Variants in LDB2 observed in about 807,000 individuals in gnomAD.
LDB2 encodes the protein LIM domain binding 2, also known as LIM domain-binding protein 2.
In LDB2, 12 loss-of-function variants were observed where a neutral mutation model predicts 44.3. The observed-to-expected ratio is 0.27, with a 90% CI of 0.17 to 0.44. The LOEUF (loss-of-function observed/expected upper bound fraction) is 0.44. Among genes scored for constraint, LDB2 ranks in the 20% least tolerant of loss-of-function variants. The pLI is 1.00. For missense variants in LDB2, 344 were observed against 473.5 expected (o/e 0.73, Z 2.54); for synonymous variants, 164 against 174.8 (o/e 0.94, Z 0.49).
intron 1 of LDB2, among the ~76,000 whole-genome samples, chr4:16,853,735 C>CA (rs1362525572): frequency 2.6e-5 from 4 of 152,076 alleles, no homozygotes; most frequent in African/African-American, 9.7e-5. Flanking sequence ...AAGCATCCGT[C>CA]AGTGGATGAC....
chr4:16,557,608 G>A (rs561825193), intron 5 of LDB2, among the ~76,000 whole-genome samples: 1 of 152,382 alleles, frequency 6.6e-6, no homozygotes, highest in East Asian at 1.9e-4. Context: ...AGGGCTGCCT[G>A]CCTCTGTAGG....
chr4:16,773,176 T>C (rs1771076735), intron 1 of LDB2, among the ~76,000 whole-genome samples: 1 of 152,226 alleles, frequency 6.6e-6, no homozygotes. Context: ...TCTGTCTTTA[T>C]GACGTCTGAA....
At chr4:16,730,110 T>C (rs1161952736) in intron 2 of LDB2, among the ~76,000 whole-genome samples, 3 of 152,194 alleles carry the variant, frequency 2.0e-5, no homozygotes, top group African/African-American at 7.2e-5. Context: ...TAATAAATTC[T>C]AGATTCTGGC....
intron 5 of LDB2, among the ~76,000 whole-genome samples, chr4:16,552,995 A>G (rs1160845697): frequency 3.9e-5 from 6 of 152,096 alleles, no homozygotes; most frequent in South Asian, 4.2e-4. Flanking sequence ...CAGATTACCA[A>G]TCACTCTCAC....
chr4:16,513,320 C>G (rs1041252070), intron 5 of LDB2, among the ~76,000 whole-genome samples: 2 of 152,154 alleles, frequency 1.3e-5, no homozygotes, highest in African/African-American at 4.8e-5. Flanking sequence ...AGATGTGCAC[C>G]TCTCCCCACA....
At chr4:16,773,563 T>C (rs982817076) in intron 1 of LDB2, among the ~76,000 whole-genome samples, 12 of 152,118 alleles carry the variant, frequency 7.9e-5, no homozygotes, top group African/African-American at 2.9e-4. Flanking sequence ...ATGCCACCAG[T>C]GATCTGACAG....
Position 16,693,040 on chromosome 4 carries a change from C to G in LDB2, c.235+66118G>C, listed in dbSNP as rs185213151. 2.4e-3 allele frequency among the ~76,000 whole-genome samples: 364 copies of G among 152,268 alleles called. 6 individuals carry two copies. The highest frequency in any genetic ancestry group is 0.022 in the Admixed American group (337 of 15,294). On this transcript the variant is annotated intron_variant, in intron 2 of 7. Transcript: ENST00000304523. ...GTGGGAATTAGGTAATTATCTGGACCAGGTCCCCTGTAATTCTCATAAAAG... is the reference window on the plus strand; with the variant it reads ...GTGGGAATTAGGTAATTATCTGGACGAGGTCCCCTGTAATTCTCATAAAAG...
chr4:16,571,096 T>C (rs1165805551), intron 5 of LDB2, among the ~76,000 whole-genome samples: 1 of 152,098 alleles, frequency 6.6e-6, no homozygotes, highest in African/African-American at 2.4e-5. Flanking sequence ...TTCAAGGAGA[T>C]GAAGTTGGAG....
At chr4:16,526,219 G>A (rs1055389677) in intron 5 of LDB2, among the ~76,000 whole-genome samples, 1 of 152,190 alleles carries the variant, frequency 6.6e-6, no homozygotes, top group Admixed American at 6.5e-5. Flanking sequence ...AGAACAAAAA[G>A]GCAGAGAAAG....
chr4:16,562,976 A>G (rs909567455), intron 5 of LDB2, among the ~76,000 whole-genome samples: 27 of 152,182 alleles, frequency 1.8e-4, no homozygotes, highest in African/African-American at 6.3e-4. Context: ...ACAAAAAACC[A>G]AACACCGCAT....
At chr4:16,592,505 T>C (rs4065995) in intron 3 of LDB2, among the ~76,000 whole-genome samples, 96,179 of 110,158 alleles carry the variant, frequency 0.87, 41,946 homozygotes, top group Non-Finnish European at 0.92. Flanking sequence ...TATATATATA[T>C]ACACACACAC....
intron 2 of LDB2, among the ~76,000 whole-genome samples, chr4:16,628,623 C>T (rs930622247): frequency 4.0e-5 from 6 of 151,400 alleles, no homozygotes; most frequent in Non-Finnish European, 7.4e-5. Context: ...ATTTGAGTCA[C>T]CCGGGGTCAC....
At chr4:16,507,045 TG>T (rs1241829250) in intron 7 of LDB2, 1 of 152,180 alleles carries the variant, frequency 6.6e-6, no homozygotes, top group Non-Finnish European at 1.5e-5. Context: ...TCACCAGAAG[TG>T]GGCATAACTT....
intron 2 of LDB2, among the ~76,000 whole-genome samples, chr4:16,711,925 AT>A (rs1357873204): frequency 6.6e-6 from 1 of 152,214 alleles, no homozygotes; most frequent in Non-Finnish European, 1.5e-5. Flanking sequence ...CTTACATCAA[AT>A]GTAATAATAA....
intron 1 of LDB2, among the ~76,000 whole-genome samples, chr4:16,888,506 C>T (rs1722405078): frequency 6.6e-6 from 1 of 152,154 alleles, no homozygotes; most frequent in Admixed American, 6.5e-5. Context: ...TGCCATATAA[C>T]AGTGAAAAGC....
intron 1 of LDB2, among the ~76,000 whole-genome samples, chr4:16,787,663 G>A (rs1275169906): frequency 6.6e-6 from 1 of 152,088 alleles, no homozygotes; most frequent in Non-Finnish European, 1.5e-5. Context: ...GCAAAACATA[G>A]GGTGTTACAA....
chr4:16,598,626 C>T (rs752532881), intron 2 of LDB2, among the ~76,000 whole-genome samples: 19 of 151,992 alleles, frequency 1.3e-4, no homozygotes, highest in Non-Finnish European at 2.4e-4. Flanking sequence ...TAACTGCAGC[C>T]CCTTTCAACC....
intron 5 of LDB2, among the ~76,000 whole-genome samples, chr4:16,577,214 G>A (rs887216544): frequency 1.3e-5 from 2 of 152,026 alleles, no homozygotes; most frequent in East Asian, 1.9e-4. Flanking sequence ...AACATAGTAC[G>A]GGAAGTCCTA....
intron 1 of LDB2, among the ~76,000 whole-genome samples, chr4:16,873,295 C>G (rs1717263066): frequency 6.6e-6 from 1 of 152,152 alleles, no homozygotes; most frequent in African/African-American, 2.4e-5. Flanking sequence ...AAGAGACAAA[C>G]TTGACTTTAA....
Sources: allele counts gnomAD v4.1 joint callset (sites outside exome capture counted in the v4.1 genomes callset), GRCh38; gene constraint gnomAD v4.1.1; transcripts MANE v1.5; gene names NCBI Gene and HGNC (gene_info 2026-07-23, HGNC 2026-07-21).